COL21A1: variants seen among roughly 807,000 people sequenced by gnomAD.
The protein encoded by COL21A1 is collagen type XXI alpha 1 chain, also known as collagen alpha-1(XXI) chain.
In COL21A1, 149 loss-of-function variants were observed where a neutral mutation model predicts 137.9. That is an observed-to-expected ratio of 1.08 (90% CI 0.95 to 1.24). COL21A1 has a LOEUF of 1.24. COL21A1 is among the 50% of genes most tolerant of loss of function. COL21A1 has a pLI of 0.00. For missense variants in COL21A1, 1,167 were observed against 1,158.4 expected (o/e 1.01, Z -0.11); for synonymous variants, 456 against 391.5 (o/e 1.16, Z -1.95).
chr6:56,227,253 T>C (rs1781267101), intron 1 of COL21A1, among the ~76,000 whole-genome samples: 1 of 152,010 alleles, frequency 6.6e-6, no homozygotes, highest in Admixed American at 6.6e-5. Flanking sequence ...CTGTGTAATA[T>C]GACATGCTAG....
intron 1 of COL21A1, among the ~76,000 whole-genome samples, chr6:56,213,223 C>T (rs1473532603): frequency 1.3e-5 from 2 of 152,044 alleles, no homozygotes; most frequent in Non-Finnish European, 2.9e-5. Flanking sequence ...AAAGCCAAGA[C>T]ATTTTATTTC....
At chr6:56,200,582 C>G (rs2152297479) in intron 1 of COL21A1, among the ~76,000 whole-genome samples, 1 of 151,440 alleles carries the variant, frequency 6.6e-6, no homozygotes, top group South Asian at 2.1e-4. Context: ...TGATAGTTTG[C>G]TGAGAATGAT....
chr6:56,297,730 C>A (rs892997951), intron 1 of COL21A1, among the ~76,000 whole-genome samples: 3 of 152,002 alleles, frequency 2.0e-5, no homozygotes, highest in South Asian at 4.1e-4. Flanking sequence ...AAAGTAGAAA[C>A]AAGTTATACA....
At chr6:56,383,951 C>A (rs1187096335) in intron 1 of COL21A1, among the ~76,000 whole-genome samples, 2 of 152,006 alleles carry the variant, frequency 1.3e-5, no homozygotes, top group Non-Finnish European at 2.9e-5. Flanking sequence ...GTGTATTAAT[C>A]TTAGTTCACA....
At position 56,179,701 on chromosome 6, in the gene COL21A1, C is replaced by T. The variant is rs779058776; in HGVS notation, c.517G>A (p.Glu173Lys). Residue 173 changes from glutamate (E) to lysine (K), a missense_variant, in exon 3 of 30, where the codon GAA becomes AAA. By Grantham distance (56) the Glu-to-Lys change is moderately conservative. Coordinates refer to ENST00000244728, the MANE Select transcript of COL21A1 (RefSeq NM_030820.4). ...GCTCTAAGTTCGGCATCTTCTGTTT[C>T]TGAACCAACACCAATAGCAAATAAT... ...ITLFAIGVGS[E>K]TEDAELRAIA... The T allele has an allele frequency of 1.1e-4, 171 of 1,613,962 alleles. No homozygotes were observed. In the East Asian group the frequency reaches 3.7e-3, roughly 35 times the overall value.
intron 2 of COL21A1, among the ~76,000 whole-genome samples, chr6:56,181,084 G>A (rs1777856006): frequency 6.6e-6 from 1 of 152,162 alleles, no homozygotes; most frequent in South Asian, 2.1e-4. Flanking sequence ...ATTTATAGCA[G>A]TCAAGAAGTT....
intron 16 of COL21A1, among the ~76,000 whole-genome samples, chr6:56,105,345 G>C (rs983519263): frequency 1.3e-5 from 2 of 152,140 alleles, no homozygotes; most frequent in African/African-American, 4.8e-5. Context: ...CACAGAAAGG[G>C]AGATCCACTG....
intron 10 of COL21A1, among the ~76,000 whole-genome samples, chr6:56,156,208 C>A (rs937334481): frequency 6.6e-6 from 1 of 152,168 alleles, no homozygotes; most frequent in African/African-American, 2.4e-5. Context: ...ACAATATTTT[C>A]TTTGCAGCAA....
intron 1 of COL21A1, among the ~76,000 whole-genome samples, chr6:56,270,143 C>A (rs1763489722): frequency 6.6e-6 from 1 of 152,168 alleles, no homozygotes; most frequent in Non-Finnish European, 1.5e-5. Flanking sequence ...AATAAAAAGA[C>A]AAGACCCAAA....
At chr6:56,279,674 T>C (rs551409147) in intron 1 of COL21A1, among the ~76,000 whole-genome samples, 219 of 152,308 alleles carry the variant, frequency 1.4e-3, no homozygotes, top group African/African-American at 5.1e-3. Context: ...ACTTAAAAAA[T>C]CAAGTGAGGT....
intron 1 of COL21A1, among the ~76,000 whole-genome samples, chr6:56,227,352 T>A (rs1781273422): frequency 6.6e-6 from 1 of 151,990 alleles, no homozygotes; most frequent in Admixed American, 6.6e-5. Flanking sequence ...AACCTCTAAG[T>A]CCCACCTCCA....
intron 1 of COL21A1, among the ~76,000 whole-genome samples, chr6:56,302,198 T>C (rs1217318605): frequency 6.6e-6 from 1 of 151,904 alleles, no homozygotes; most frequent in African/African-American, 2.4e-5. Context: ...TATGTCTGCA[T>C]GTGTCTTTAT....
At chr6:56,156,639 C>T (rs1397819576) in intron 10 of COL21A1, among the ~76,000 whole-genome samples, 1 of 88,972 alleles carries the variant, frequency 1.1e-5, no homozygotes, top group East Asian at 4.6e-4. Flanking sequence ...TGTGGAATAA[C>T]TCAATGTGCT....
At chr6:56,330,191 T>A (rs1386776145) in intron 1 of COL21A1, among the ~76,000 whole-genome samples, 2 of 152,040 alleles carry the variant, frequency 1.3e-5, no homozygotes, top group African/African-American at 2.4e-5. Context: ...ATTTAAATAT[T>A]AAATTTTTGA....
intron 1 of COL21A1, among the ~76,000 whole-genome samples, chr6:56,368,982 A>T (rs1766163226): frequency 6.6e-6 from 1 of 152,198 alleles, no homozygotes; most frequent in African/African-American, 2.4e-5. Flanking sequence ...AATGGGCAGC[A>T]TGGTATTTTC....
intron 1 of COL21A1, among the ~76,000 whole-genome samples, chr6:56,324,185 T>C (rs192874939): frequency 2.0e-4 from 31 of 152,212 alleles, no homozygotes; most frequent in Admixed American, 1.6e-3. Context: ...GAGTCCATTA[T>C]CCTTCAATCT....
intron 12 of COL21A1, among the ~76,000 whole-genome samples, chr6:56,140,352 T>C (rs1011964439): frequency 3.3e-5 from 5 of 152,190 alleles, no homozygotes; most frequent in African/African-American, 1.2e-4. Flanking sequence ...TTGTGTGATA[T>C]GTGAAGAACA....
intron 1 of COL21A1, among the ~76,000 whole-genome samples, chr6:56,279,029 C>A (rs1763735018): frequency 1.3e-5 from 2 of 152,076 alleles, no homozygotes; most frequent in South Asian, 4.1e-4. Flanking sequence ...GAATTGTAAC[C>A]CCCAATGTTG....
At chr6:56,135,767 A>G (rs1398828560) in intron 12 of COL21A1, among the ~76,000 whole-genome samples, 1 of 152,202 alleles carries the variant, frequency 6.6e-6, no homozygotes, top group African/African-American at 2.4e-5. Context: ...TATAGCTATG[A>G]TTAACCTTTT....
Sources: allele counts gnomAD v4.1 joint callset (sites outside exome capture counted in the v4.1 genomes callset), GRCh38; gene constraint gnomAD v4.1.1; transcripts MANE v1.5; gene names NCBI Gene and HGNC (gene_info 2026-07-23, HGNC 2026-07-21).